The following SYNPR variants were observed in gnomAD, a reference collection of about 807,000 sequenced individuals.
SYNPR encodes the protein synaptoporin.
Under a neutral mutation model 32.9 loss-of-function variants are expected in SYNPR, and 23 were observed. That is an observed-to-expected ratio of 0.70 (90% CI 0.50 to 0.99). The LOEUF is 0.99. Among genes scored for constraint, SYNPR ranks in the 50% least tolerant of loss-of-function variants. The pLI, the probability that SYNPR is intolerant of heterozygous loss-of-function variation, is 0.00. For synonymous variants in SYNPR, 146 were observed against 135.9 expected, an observed-to-expected ratio of 1.07 and a Z score of -0.52; for missense variants, 318 against 349.3, an observed-to-expected ratio of 0.91 and a Z score of 0.71.
chr3:63,384,897 T>C (rs6800619), intron 2 of SYNPR, among the ~76,000 whole-genome samples: 5,096 of 152,236 alleles, frequency 0.033, 311 homozygotes, highest in African/African-American at 0.11. Context: ...TTTTAGATTT[T>C]TCCAACTAGA....
At chr3:63,394,395 A>T (rs1355657065) in intron 2 of SYNPR, among the ~76,000 whole-genome samples, 1 of 152,166 alleles carries the variant, frequency 6.6e-6, no homozygotes, top group Non-Finnish European at 1.5e-5. Context: ...CTTCCAAGGG[A>T]TTATTACTAG....
At chr3:63,261,772 C>A (rs1269248076) in intron 2 of SYNPR, among the ~76,000 whole-genome samples, 1 of 149,142 alleles carries the variant, frequency 6.7e-6, no homozygotes, top group African/African-American at 2.5e-5. Context: ...CAAACTATCG[C>A]AAGGACAAAA....
chr3:63,356,208 G>C (rs2087575869), intron 2 of SYNPR, among the ~76,000 whole-genome samples: 1 of 152,178 alleles, frequency 6.6e-6, no homozygotes, highest in African/African-American at 2.4e-5. Flanking sequence ...CATGTTCGCT[G>C]TACTTTCCAG....
At chr3:63,481,053 G>A (rs1468145819) in intron 3 of SYNPR, 97 bp downstream of exon 3, 40 of 1,483,752 alleles carry the variant, frequency 2.7e-5, no homozygotes, top group Non-Finnish European at 3.6e-5. Context: ...AGGGACTTCT[G>A]GGTAAACAGA....
chr3:63,485,710 T>G (rs976324073), intron 3 of SYNPR, among the ~76,000 whole-genome samples: 2 of 152,182 alleles, frequency 1.3e-5, no homozygotes, highest in Admixed American at 6.6e-5. Context: ...CACCTCTTGT[T>G]TTTTGGAAGT....
At chr3:63,356,429 A>G (rs71298648) in intron 2 of SYNPR, among the ~76,000 whole-genome samples, 21,325 of 152,286 alleles carry the variant, frequency 0.14, 2,369 homozygotes, top group East Asian at 0.61. Context: ...TAAGTGCTTC[A>G]CAAATTCTAT....
At chr3:63,577,640 TG>T (rs1703008919) in intron 4 of SYNPR, among the ~76,000 whole-genome samples, 1 of 151,834 alleles carries the variant, frequency 6.6e-6, no homozygotes, top group African/African-American at 2.4e-5. Flanking sequence ...TATGTGTGAG[TG>T]GGGGTATGTG....
intron 2 of SYNPR, among the ~76,000 whole-genome samples, chr3:63,336,175 A>G (rs1294599467): frequency 2.6e-5 from 4 of 152,154 alleles, no homozygotes; most frequent in South Asian, 2.1e-4. Flanking sequence ...AAAATTTTAC[A>G]TTATTTAATT....
chr3:63,423,553 T>G (rs1189999575), intron 2 of SYNPR: 2 of 152,244 alleles, frequency 1.3e-5, no homozygotes, highest in African/African-American at 4.8e-5. Flanking sequence ...CAGTAAGGCA[T>G]GTTGACGCAG....
intron 2 of SYNPR, among the ~76,000 whole-genome samples, chr3:63,442,013 A>C (rs1575645857): frequency 6.6e-6 from 1 of 152,236 alleles, no homozygotes; most frequent in East Asian, 1.9e-4. Flanking sequence ...CAGGACTAGA[A>C]CCCAAGTTGC....
At chr3:63,430,525 G>GAAA (rs769700246) in intron 2 of SYNPR, among the ~76,000 whole-genome samples, 4 of 152,170 alleles carry the variant, frequency 2.6e-5, no homozygotes, top group Non-Finnish European at 4.4e-5. Flanking sequence ...GATGGAGGAA[G>GAAA]AAAAGCACCT....
At chr3:63,572,633 G>A (rs1216116822) in intron 4 of SYNPR, among the ~76,000 whole-genome samples, 1 of 152,048 alleles carries the variant, frequency 6.6e-6, no homozygotes, top group Non-Finnish European at 1.5e-5. Flanking sequence ...TTGTGAAAGT[G>A]GAAAATAATA....
intron 3 of SYNPR, among the ~76,000 whole-genome samples, chr3:63,549,728 C>T (rs1298531817): frequency 6.6e-6 from 1 of 152,168 alleles, no homozygotes; most frequent in Non-Finnish European, 1.5e-5. Context: ...CCAGACCCTA[C>T]AAACGTAACT....
chr3:63,614,405 C>G (rs374694360), intron 5 of SYNPR, among the ~76,000 whole-genome samples: 2 of 152,240 alleles, frequency 1.3e-5, no homozygotes, highest in African/African-American at 4.8e-5. Flanking sequence ...CCTGGGGAGG[C>G]GACACCCAGT....
Position 63,503,238 on chromosome 3 carries a change from C to T in SYNPR, c.209+22282C>T, listed in dbSNP as rs1238826246. Among the ~76,000 whole-genome samples, 3 of 152,206 alleles carry T rather than the reference C, an allele frequency of 2.0e-5. No individual in the cohort carries two copies. In the East Asian group the frequency reaches 5.8e-4, roughly 29 times the overall value. On this transcript the variant is annotated intron_variant, in intron 3 of 5. Transcript: ENST00000478300. Reference sequence around the variant, plus strand: ...ATCTTTTCATATATTTATTTGCCCTCTGCATATCTTCTTTGGTGAGGTGTC... The same window carrying T: ...ATCTTTTCATATATTTATTTGCCCTTTGCATATCTTCTTTGGTGAGGTGTC...
intron 2 of SYNPR, among the ~76,000 whole-genome samples, chr3:63,329,490 G>T (rs898084844): frequency 6.6e-6 from 1 of 152,206 alleles, no homozygotes; most frequent in African/African-American, 2.4e-5. Flanking sequence ...TGGAGAAAAT[G>T]GAATGAGTTT....
At chr3:63,512,722 C>A (rs1306368485) in intron 3 of SYNPR, among the ~76,000 whole-genome samples, 1 of 152,148 alleles carries the variant, frequency 6.6e-6, no homozygotes, top group Non-Finnish European at 1.5e-5. Context: ...AAAATGGATT[C>A]TCGTCAGAGG....
chr3:63,417,142 G>C (rs991302259), intron 2 of SYNPR, among the ~76,000 whole-genome samples: 1 of 152,230 alleles, frequency 6.6e-6, no homozygotes, highest in African/African-American at 2.4e-5. Context: ...AGATACAGTG[G>C]GGGTACAGGC....
At chr3:63,376,439 G>C (rs778333676) in intron 2 of SYNPR, among the ~76,000 whole-genome samples, 2 of 152,054 alleles carry the variant, frequency 1.3e-5, no homozygotes, top group Non-Finnish European at 2.9e-5. Flanking sequence ...TATATGATAA[G>C]ACTGCTTTCT....
Sources: gnomAD v4.1 joint callset for allele counts (sites outside exome capture counted in the v4.1 genomes callset) on GRCh38, gnomAD v4.1.1 for gene constraint, MANE v1.5 for transcripts, NCBI Gene and HGNC (gene_info 2026-07-23, HGNC 2026-07-21) for gene names.